The following ELAVL2 variants were observed in gnomAD, a reference collection of about 807,000 sequenced individuals.
ELAVL2 encodes ELAV like RNA binding protein 2.
Under a neutral mutation model 34.6 loss-of-function variants are expected in ELAVL2, and 4 were observed. The ratio of observed to expected loss-of-function variants is 0.12; its 90% CI spans 0.06 to 0.26. The LOEUF (loss-of-function observed/expected upper bound fraction) is 0.26. Ranked by LOEUF, ELAVL2 falls within the 10% of genes least tolerant of loss-of-function variation. The probability of loss-of-function intolerance (pLI) is 1.00; values close to 1 mark genes in which losing one functional copy is unlikely to be tolerated. For synonymous variants in ELAVL2, 193 were observed against 154.8 expected, an observed-to-expected ratio of 1.25 and a Z score of -1.83; for missense variants, 432 against 442.8, an observed-to-expected ratio of 0.98 and a Z score of 0.22.
At chr9:23,704,264 GTATTT>G (rs1040892142) in intron 4 of ELAVL2, among the ~76,000 whole-genome samples, 28 of 152,004 alleles carry the variant, frequency 1.8e-4, no homozygotes, top group African/African-American at 6.8e-4. Flanking sequence ...AATTGTATCT[GTATTT>G]TATTTTTAAA....
At chr9:23,849,218 A>C in the ELAVL2 span, among the ~76,000 whole-genome samples, 1 of 152,228 alleles carries the variant, frequency 6.6e-6, no homozygotes, top group South Asian at 2.1e-4. Context: ...AAGGACTCTT[A>C]AATGAATGAA....
chr9:23,804,686 A>G (rs999480748), intron 1 of ELAVL2, among the ~76,000 whole-genome samples: 8 of 152,190 alleles, frequency 5.3e-5, no homozygotes, highest in Non-Finnish European at 1.2e-4. Context: ...AAACTTCTGA[A>G]AACTTATCAG....
At chr9:23,800,553 G>C (rs540382993) in intron 1 of ELAVL2, among the ~76,000 whole-genome samples, 2 of 152,132 alleles carry the variant, frequency 1.3e-5, no homozygotes, top group Non-Finnish European at 2.9e-5. Flanking sequence ...ATATGCTTAA[G>C]ATATCAGATG....
rs554555776 is a variant in ELAVL2 at position 23,757,945 on chromosome 9, G to A, written c.229+4061C>T. Among the ~76,000 whole-genome samples the A allele has an allele frequency of 2.0e-5, 3 of 152,134 alleles. No homozygotes were observed. The South Asian group carries it at 6.2e-4, about 32-fold the overall frequency. On this transcript the variant is annotated intron_variant, in intron 2 of 6. Coordinates refer to ENST00000397312, the MANE Select transcript of ELAVL2 (RefSeq NM_004432.5). ...CACACTTTCCTAACTAGATATTTTTGTTCCTTAGATATAGTTTCCTGATTC... is the reference window on the plus strand; with the variant it reads ...CACACTTTCCTAACTAGATATTTTTATTCCTTAGATATAGTTTCCTGATTC...
At chr9:23,797,493 A>C (rs1290648518) in intron 1 of ELAVL2, among the ~76,000 whole-genome samples, 1 of 152,214 alleles carries the variant, frequency 6.6e-6, no homozygotes, top group East Asian at 1.9e-4. Flanking sequence ...GGAATTTAAA[A>C]CAGAAAGGGT....
intron 3 of ELAVL2, among the ~76,000 whole-genome samples, chr9:23,709,452 T>A (rs2040328208): frequency 2.1e-5 from 2 of 97,166 alleles, no homozygotes; most frequent in East Asian, 7.5e-4. Flanking sequence ...TCCATTCCGA[T>A]TTTTTTTTTT....
Position 23,692,592 on chromosome 9 carries a change from C to T in ELAVL2, c.1045G>A (p.Val349Ile). 6.2e-7 allele frequency: 1 copy of T among 1,614,054 alleles called. No homozygotes were observed. The highest frequency in any genetic ancestry group is 8.5e-7 in the Non-Finnish European group (1 of 1,179,934). ...GYRLGDRVLQ[V>I]SFKTNKTHKA ...TGCGTTTTGTTTGTCTTAAAGGAGA[C>T]CTGCAGTACTCTGTCTCCCAGACGG... The change falls in exon 7 of 7, where the codon GTC becomes ATC. Residue 349 changes from valine (V) to isoleucine (I), a missense_variant. This residue lies in a region of ELAVL2 where 295 missense variants were observed against 306.1 expected (regional missense o/e 0.96). Coordinates refer to ENST00000397312, the MANE Select transcript of ELAVL2 (RefSeq NM_004432.5).
the ELAVL2 span, among the ~76,000 whole-genome samples, chr9:23,839,266 T>C: frequency 2.0e-5 from 3 of 151,936 alleles, no homozygotes; most frequent in Admixed American, 6.6e-5. Flanking sequence ...TTTTCAGATA[T>C]GAATGACGAC....
chr9:23,726,104 ACTAATGAGG>A (rs2045081705), intron 3 of ELAVL2, among the ~76,000 whole-genome samples: 1 of 152,112 alleles, frequency 6.6e-6, no homozygotes, highest in Admixed American at 6.6e-5. Context: ...TATGACATTT[ACTAATGAGG>A]AAAGGATAAG....
intron 5 of ELAVL2, among the ~76,000 whole-genome samples, chr9:23,694,195 C>G (rs1323975832): frequency 6.6e-6 from 1 of 150,854 alleles, no homozygotes; most frequent in East Asian, 2.0e-4. Context: ...AATTACGCTA[C>G]AGGAAGTGTC....
chr9:23,794,879 G>A (rs2060727970), intron 1 of ELAVL2, among the ~76,000 whole-genome samples: 1 of 151,940 alleles, frequency 6.6e-6, no homozygotes, highest in African/African-American at 2.4e-5. Context: ...TAGAGAGCCA[G>A]GACCATACAA....
At chr9:23,712,164 G>C (rs1397476479) in intron 3 of ELAVL2, among the ~76,000 whole-genome samples, 2 of 152,102 alleles carry the variant, frequency 1.3e-5, no homozygotes, top group Non-Finnish European at 2.9e-5. Flanking sequence ...CTGGGAAATA[G>C]GAAGACTGAG....
At chr9:23,739,255 C>G (rs2048584952) in intron 2 of ELAVL2, among the ~76,000 whole-genome samples, 1 of 152,240 alleles carries the variant, frequency 6.6e-6, no homozygotes, top group Middle Eastern at 3.4e-3. Context: ...GCACGCTCAG[C>G]ACCACAATGA....
intron 3 of ELAVL2, among the ~76,000 whole-genome samples, chr9:23,714,906 A>T (rs970950737): frequency 6.6e-6 from 1 of 152,178 alleles, no homozygotes; most frequent in Non-Finnish European, 1.5e-5. Context: ...TCGAGAGACT[A>T]AAAGAAAAAT....
chr9:23,830,398 G>A (rs2138744272), upstream of ELAVL2: 3 of 152,248 alleles, frequency 2.0e-5, no homozygotes, highest in Middle Eastern at 6.8e-3. Context: ...TTTACATTGT[G>A]TCTGTAAACT....
At chr9:23,730,970 A>T (rs918019898) in intron 3 of ELAVL2, 52 bp downstream of exon 3, 29 of 1,516,686 alleles carry the variant, frequency 1.9e-5, no homozygotes, top group Middle Eastern at 1.7e-4. Context: ...ATAAATCTTA[A>T]TTTTTTTAAA....
intron 3 of ELAVL2, among the ~76,000 whole-genome samples, chr9:23,714,368 C>G (rs961633962): frequency 3.2e-4 from 48 of 152,146 alleles, no homozygotes; most frequent in African/African-American, 9.4e-4. Context: ...CTTCCAAATC[C>G]ATGGTGATAA....
chr9:23,800,798 C>T lies in ELAVL2; in HGVS notation c.-16+25008G>A, dbSNP rs922767326. On this transcript the variant is annotated intron_variant, in intron 1 of 6. Coordinates refer to ENST00000397312, the MANE Select transcript of ELAVL2 (RefSeq NM_004432.5). ...ACGTATGAAATTTTTTATTCAAATA[C>T]GAATTTAGATCTATCTTCATCTGAT... is the stretch of plus-strand genomic sequence containing the variant. Among the ~76,000 whole-genome samples the T allele has an allele frequency of 6.6e-5, 10 of 152,096 alleles. No homozygotes were observed. In the South Asian group the frequency reaches 1.5e-3, roughly 22 times the overall value.
intron 2 of ELAVL2, among the ~76,000 whole-genome samples, chr9:23,740,213 A>G (rs1284791525): frequency 6.6e-6 from 1 of 152,210 alleles, no homozygotes; most frequent in Admixed American, 6.5e-5. Flanking sequence ...CCTGTCTGGC[A>G]GTCAACAGTA....
Sources: allele counts gnomAD v4.1 joint callset (sites outside exome capture counted in the v4.1 genomes callset), GRCh38; gene constraint gnomAD v4.1.1; regional missense constraint gnomAD v4.1.1; transcripts MANE v1.5; gene names NCBI Gene and HGNC (gene_info 2026-07-23, HGNC 2026-07-21).